The following SEC62 variants were observed in gnomAD, a reference collection of about 807,000 sequenced individuals.
SEC62 encodes SEC62 preprotein translocation factor.
A neutral mutation model predicts 47.5 loss-of-function variants in SEC62; 10 were observed. The observed-to-expected ratio is 0.21, with a 90% CI of 0.13 to 0.36. SEC62 has a LOEUF of 0.36. Among genes scored for constraint, SEC62 ranks in the 10% least tolerant of loss-of-function variants. The pLI, the probability that SEC62 is intolerant of heterozygous loss-of-function variation, is 1.00. For missense variants in SEC62, 327 were observed against 464.1 expected (o/e 0.70, Z 2.71); for synonymous variants, 136 against 150.5 (o/e 0.90, Z 0.71).
chr3:169,989,900 C>A (rs1045962467), intron 7 of SEC62, among the ~76,000 whole-genome samples: 1 of 149,216 alleles, frequency 6.7e-6, no homozygotes, highest in Non-Finnish European at 1.5e-5. Flanking sequence ...TTAGATATTT[C>A]TTTTATATTA....
At chr3:169,986,163 G>A (rs1377911317) in intron 6 of SEC62, among the ~76,000 whole-genome samples, 1 of 152,098 alleles carries the variant, frequency 6.6e-6, no homozygotes, top group Admixed American at 6.5e-5. Context: ...AATTAAAGCT[G>A]TAGTGATTAA....
intron 7 of SEC62, among the ~76,000 whole-genome samples, chr3:169,988,979 A>G (rs545870387): frequency 3.0e-4 from 45 of 152,242 alleles, no homozygotes; most frequent in African/African-American, 9.6e-4. Context: ...GGAAAAATCA[A>G]TAATTTTCAC....
Position 169,992,256 on chromosome 3 carries a change from CATT to C in SEC62, c.731-334_731-332del, listed in dbSNP as rs1715265589. On this transcript the variant is annotated intron_variant, in intron 7 of 7. Transcript: ENST00000337002. The surrounding 1 kb of genome is among the most constrained non-coding windows in gnomAD (Gnocchi z 4.0). ...AAAAAGAAGTAATTTTTTTCAGTGA[CATT>C]ATTGCATTGTGACCTCAAGTTCAGA... Among the ~76,000 whole-genome samples, 1 of 152,126 alleles carries C rather than the reference CATT, an allele frequency of 6.6e-6. No individual in the cohort carries two copies. Among genetic ancestry groups the C allele is most frequent in the Admixed American group, 6.5e-5 (1 of 15,274 alleles).
chr3:169,983,847 T>A (rs1715035959), intron 5 of SEC62: 1 of 152,182 alleles, frequency 6.6e-6, no homozygotes, highest in Admixed American at 6.5e-5. Flanking sequence ...AGGGTTTCCA[T>A]TATTATCAAA....
intron 7 of SEC62, among the ~76,000 whole-genome samples, chr3:169,990,610 G>C (rs1715228412): frequency 6.6e-6 from 1 of 151,956 alleles, no homozygotes; most frequent in South Asian, 2.1e-4. Flanking sequence ...TGAATCATCT[G>C]TCTTACAATC....
Position 169,997,464 on chromosome 3 carries a change from T to TTG in SEC62, c.*4402_*4403insGT, listed in dbSNP as rs1553763276. The TTG allele has an allele frequency of 1.6e-4, 25 of 152,182 alleles. No individual in the cohort carries two copies. Among genetic ancestry groups the TTG allele is most frequent in the African/African-American group, 6.0e-4 (25 of 41,398 alleles). The allele number at this position is 152,182 out of a possible 1,614,324, so 9.4% of individuals were successfully genotyped here. A position where few individuals can be genotyped will look rare whatever the true frequency, so the allele number is the denominator to read the frequency against. ...TGGACTCCTCAGAATAATGGGTTTT[T>TTG]TTTGTTTGTTTGTTTGTTTGAGATG... is the stretch of plus-strand genomic sequence containing the variant. On this transcript the variant is annotated 3_prime_UTR_variant, in exon 8 of 8. Transcript: ENST00000337002.
intron 7 of SEC62, among the ~76,000 whole-genome samples, chr3:169,990,559 T>C (rs1346215261): frequency 6.6e-6 from 1 of 152,214 alleles, no homozygotes; most frequent in African/African-American, 2.4e-5. Flanking sequence ...GTGCCATTTC[T>C]ATATTGCTTT....
At position 169,993,168 on chromosome 3, in the gene SEC62, A is replaced by G. The variant is rs946497883; in HGVS notation, c.*105A>G. On this transcript the variant is annotated 3_prime_UTR_variant, in exon 8 of 8. Transcript: ENST00000337002. ...GGCATTTGTAGCATTCTTTAAATCT[A>G]TCTACTGAAATGTATTTGACATTCA... is the stretch of plus-strand genomic sequence containing the variant. 10 of 804,610 alleles carry G rather than the reference A, an allele frequency of 1.2e-5. No individual in the cohort carries two copies. Among genetic ancestry groups the G allele is most frequent in the Admixed American group, 3.0e-5 (1 of 33,394 alleles). 49.8% of individuals were successfully genotyped at this position (804,610 alleles called of 1,614,324 possible).
At chr3:169,982,569 C>A in intron 3 of SEC62, 138 bp from the exon 4 acceptor site, 1 of 993,856 alleles carries the variant, frequency 1.0e-6, no homozygotes, top group Non-Finnish European at 1.6e-6. Flanking sequence ...ACTACTTTTT[C>A]ACGGGCATAC....
chr3:169,968,003 T>G (rs569704740), intron 1 of SEC62, among the ~76,000 whole-genome samples: 1 of 152,300 alleles, frequency 6.6e-6, no homozygotes, highest in African/African-American at 2.4e-5. Context: ...TCAGTAAATT[T>G]GGAATTTTGG....
At chr3:169,975,215 A>C (rs1346853642) in intron 1 of SEC62, among the ~76,000 whole-genome samples, 2 of 145,612 alleles carry the variant, frequency 1.4e-5, no homozygotes, top group Non-Finnish European at 3.0e-5. Context: ...CAGGAGGCAG[A>C]GGTTGCAGTG....
intron 3 of SEC62, among the ~76,000 whole-genome samples, chr3:169,980,778 G>A (rs1404224587): frequency 1.3e-5 from 2 of 152,168 alleles, no homozygotes; most frequent in African/African-American, 4.8e-5. Flanking sequence ...ATTACCATTT[G>A]AGAATATATA....
chr3:169,986,988 G>C (rs1228259743), intron 6 of SEC62, among the ~76,000 whole-genome samples: 1 of 151,858 alleles, frequency 6.6e-6, no homozygotes, highest in Non-Finnish European at 1.5e-5. Flanking sequence ...AGTGCTGGGG[G>C]TTTGATTTGT....
In SEC62 at chr3:169,982,860, A is replaced by G. The variant is rs748247042; in HGVS notation, c.405A>G (p.Thr135=). 2 of 1,563,602 alleles carry G rather than the reference A, an allele frequency of 1.3e-6. No homozygotes were observed. The highest frequency in any genetic ancestry group is 1.7e-6 in the Non-Finnish European group (2 of 1,163,890). The part of the protein sequence containing the change: ...SKKENIKDEK[T]KKEKEKKKDG... ...AAGAAAATATAAAGGATGAGAAGAC[A>G]AAAAAAGAAAAAGAGAAAAAAAAAG... Residue 135 remains threonine (T), a synonymous_variant, in exon 4 of 8, where the codon ACA becomes ACG. Transcript: ENST00000337002.
intron 1 of SEC62, among the ~76,000 whole-genome samples, chr3:169,967,800 T>C (rs1714578669): frequency 6.6e-6 from 1 of 152,238 alleles, no homozygotes; most frequent in Non-Finnish European, 1.5e-5. Context: ...TAATCATAAA[T>C]TGTTACATTC....
intron 3 of SEC62, among the ~76,000 whole-genome samples, chr3:169,977,762 A>G (rs1714872808): frequency 6.6e-6 from 1 of 151,910 alleles, no homozygotes; most frequent in African/African-American, 2.4e-5. Flanking sequence ...TGTTAACTAA[A>G]TTTTGTTTTC....
rs1255042415 is a variant in SEC62 at position 169,994,032 on chromosome 3, A to G, written c.*969A>G. The G allele has an allele frequency of 6.6e-6, 1 of 152,650 alleles. No homozygotes were observed. Among genetic ancestry groups the G allele is most frequent in the Non-Finnish European group, 1.5e-5 (1 of 68,040 alleles). 9.5% of individuals were successfully genotyped at this position (152,650 alleles called of 1,614,324 possible). A position where few individuals can be genotyped will look rare whatever the true frequency, so the allele number is the denominator to read the frequency against. ...AAGAGCAGACTTAAAGTAGCTTTGT[A>G]CGCCTTAATGTTCATTTTGATTTAT... On this transcript the variant is annotated 3_prime_UTR_variant, in exon 8 of 8. Coordinates refer to ENST00000337002, the MANE Select transcript of SEC62 (RefSeq NM_003262.4).
intron 1 of SEC62, among the ~76,000 whole-genome samples, chr3:169,967,508 C>T (rs1714564894): frequency 6.6e-6 from 1 of 152,172 alleles, no homozygotes; most frequent in Non-Finnish European, 1.5e-5. Context: ...TGTAAACAAC[C>T]ACAACCTCGT....
At chr3:169,969,243 G>A (rs938080140) in intron 1 of SEC62, 5 of 452,540 alleles carry the variant, frequency 1.1e-5, no homozygotes, top group Admixed American at 9.5e-5. Flanking sequence ...TAAGTTCAGG[G>A]TTAAAAAAAA....
Sources: allele counts gnomAD v4.1 joint callset (sites outside exome capture counted in the v4.1 genomes callset), GRCh38; gene constraint gnomAD v4.1.1; non-coding constraint Gnocchi (gnomAD v3.1); transcripts MANE v1.5; gene names NCBI Gene and HGNC (gene_info 2026-07-23, HGNC 2026-07-21).